Variants in FOXP2 observed in about 807,000 individuals in gnomAD.
FOXP2 encodes the protein forkhead box protein P2.
A neutral mutation model predicts 115.8 loss-of-function variants in FOXP2; 12 were observed. The observed-to-expected ratio is 0.10, with a 90% CI of 0.07 to 0.17. The LOEUF (loss-of-function observed/expected upper bound fraction) is 0.17, where lower values mean the gene tolerates loss of function less well. Ranked by LOEUF, FOXP2 falls within the 10% of genes least tolerant of loss-of-function variation. The pLI, the probability that FOXP2 is intolerant of heterozygous loss-of-function variation, is 1.00. For synonymous variants in FOXP2, 328 were observed against 297.7 expected, an observed-to-expected ratio of 1.10 and a Z score of -1.05; for missense variants, 629 against 843.5, an observed-to-expected ratio of 0.75 and a Z score of 3.15.
chr7:114,441,698 TGAATGGATATTTTACCAAA>T (rs1319046247), intron 2 of FOXP2, among the ~76,000 whole-genome samples: 1 of 152,164 alleles, frequency 6.6e-6, no homozygotes, highest in African/African-American at 2.4e-5. Context: ...GCCAAGTATT[TGAATGGATATTTTACCAAA>T]GAAGATATAT....
intron 2 of FOXP2, among the ~76,000 whole-genome samples, chr7:114,382,109 C>T (rs1417833280): frequency 6.6e-6 from 1 of 152,166 alleles, no homozygotes; most frequent in African/African-American, 2.4e-5. Context: ...AGTAAAGTTC[C>T]CCAGTCACAA....
intron 2 of FOXP2, among the ~76,000 whole-genome samples, chr7:114,488,980 C>G (rs1315924029): frequency 6.6e-6 from 1 of 151,946 alleles, no homozygotes; most frequent in Non-Finnish European, 1.5e-5. Flanking sequence ...AGAATAAAAC[C>G]CACTGTGATC....
At chr7:114,130,183 C>T (rs887923638) in intron 1 of FOXP2, among the ~76,000 whole-genome samples, 4 of 151,978 alleles carry the variant, frequency 2.6e-5, no homozygotes, top group South Asian at 2.1e-4. Context: ...ATTAGCTAGG[C>T]GTGGTGGCAT....
intron 1 of FOXP2, among the ~76,000 whole-genome samples, chr7:114,124,995 A>C (rs2129144331): frequency 6.6e-6 from 1 of 152,268 alleles, no homozygotes; most frequent in Non-Finnish European, 1.5e-5. Flanking sequence ...AGCAATGCAC[A>C]GCTAGAAAGC....
intron 2 of FOXP2, among the ~76,000 whole-genome samples, chr7:114,309,724 G>A (rs1244262780): frequency 3.3e-5 from 5 of 151,922 alleles, no homozygotes; most frequent in Admixed American, 6.6e-5. Flanking sequence ...AGAGTGCAGT[G>A]GTGTGATCAT....
At chr7:114,328,857 C>T (rs1296385254) in intron 2 of FOXP2, among the ~76,000 whole-genome samples, 3 of 152,118 alleles carry the variant, frequency 2.0e-5, no homozygotes, top group Admixed American at 2.0e-4. Flanking sequence ...TTTTTAGAAT[C>T]CCTTGAAATA....
intron 2 of FOXP2, among the ~76,000 whole-genome samples, chr7:114,463,726 G>A (rs978339749): frequency 1.5e-4 from 23 of 152,056 alleles, no homozygotes; most frequent in African/African-American, 5.1e-4. Flanking sequence ...GTGGTAGGAG[G>A]GATTAGCCCC....
chr7:114,638,544 A>G (rs533047117), intron 6 of FOXP2, among the ~76,000 whole-genome samples: 118 of 152,214 alleles, frequency 7.8e-4, no homozygotes, highest in Non-Finnish European at 1.5e-3. Context: ...TTCACATTTC[A>G]TAAGTAGTTT....
At chr7:114,614,648 A>C (rs1342078491) in intron 3 of FOXP2, among the ~76,000 whole-genome samples, 1 of 152,136 alleles carries the variant, frequency 6.6e-6, no homozygotes, top group Non-Finnish European at 1.5e-5. Context: ...TATTATATCT[A>C]ATGGCATTGA....
chr7:114,230,143 T>A (rs2129165689), intron 1 of FOXP2, among the ~76,000 whole-genome samples: 1 of 151,862 alleles, frequency 6.6e-6, no homozygotes, highest in Non-Finnish European at 1.5e-5. Context: ...TAAATAAATT[T>A]CTGGAACCAT....
intron 1 of FOXP2, among the ~76,000 whole-genome samples, chr7:114,102,073 A>G (rs1790984606): frequency 6.6e-6 from 1 of 151,734 alleles, no homozygotes; most frequent in Non-Finnish European, 1.5e-5. Flanking sequence ...GTGTCCTTAA[A>G]TTTTTTGTTT....
chr7:114,113,561 G>A (rs139102714), intron 1 of FOXP2, among the ~76,000 whole-genome samples: 15 of 151,942 alleles, frequency 9.9e-5, no homozygotes, highest in African/African-American at 2.7e-4. Context: ...TTGTAGGGAC[G>A]GCCTCACTTT....
At chr7:114,525,587 A>T (rs1297466181) in intron 2 of FOXP2, among the ~76,000 whole-genome samples, 1 of 152,116 alleles carries the variant, frequency 6.6e-6, no homozygotes, top group Non-Finnish European at 1.5e-5. Context: ...TTCTCCTGAA[A>T]TTCCAATCTC....
chr7:114,661,871 C>G lies in FOXP2; in HGVS notation c.1648-194C>G, dbSNP rs532175654. ...AAAATAGCTTGGAAGGTTCTCTTAT[C>G]ACAAAGTTCAAACTGCAGATTCCAG... On this transcript the variant is annotated intron_variant, in intron 13 of 16. Coordinates refer to ENST00000350908, the MANE Select transcript of FOXP2 (RefSeq NM_014491.4). The G allele has an allele frequency of 3.6e-4, 224 of 618,370 alleles. 1 individual carries two copies. The highest frequency in any genetic ancestry group is 1.4e-3 in the Middle Eastern group (3 of 2,098). The allele number at this position is 618,370 out of a possible 1,614,324, so 38.3% of individuals were successfully genotyped here. A position where few individuals can be genotyped will look rare whatever the true frequency, so the allele number is the denominator to read the frequency against.
chr7:114,260,211 A>G (rs1390801464), intron 1 of FOXP2, among the ~76,000 whole-genome samples: 1 of 149,876 alleles, frequency 6.7e-6, no homozygotes, highest in African/African-American at 2.5e-5. Context: ...TTTTTTACAT[A>G]AACAACAATA....
chr7:114,585,121 T>A (rs907929971), intron 3 of FOXP2, among the ~76,000 whole-genome samples: 2 of 152,246 alleles, frequency 1.3e-5, no homozygotes, highest in Non-Finnish European at 2.9e-5. Flanking sequence ...TGGTAGTTTA[T>A]CCTTACTAAC....
chr7:114,365,956 A>G (rs1791869778), intron 2 of FOXP2, among the ~76,000 whole-genome samples: 1 of 152,066 alleles, frequency 6.6e-6, no homozygotes, highest in Non-Finnish European at 1.5e-5. Context: ...TATTTTTATG[A>G]GTTTTGGGGT....
chr7:114,134,704 C>G (rs1249287333), intron 1 of FOXP2, among the ~76,000 whole-genome samples: 1 of 87,282 alleles, frequency 1.1e-5, no homozygotes, highest in African/African-American at 4.1e-5. Flanking sequence ...CAGAGCGAGA[C>G]TCCGTCTCAA....
At chr7:114,138,427 T>C (rs1792103663) in intron 1 of FOXP2, among the ~76,000 whole-genome samples, 1 of 146,516 alleles carries the variant, frequency 6.8e-6, no homozygotes, top group Non-Finnish European at 1.5e-5. Context: ...AGTCTCACAC[T>C]GTCGCCTGGG....
Sources: gnomAD v4.1 joint callset for allele counts (sites outside exome capture counted in the v4.1 genomes callset) on GRCh38, gnomAD v4.1.1 for gene constraint, MANE v1.5 for transcripts, NCBI Gene and HGNC (gene_info 2026-07-23, HGNC 2026-07-21) for gene names.